Variants in GABRG2 observed in about 807,000 individuals in gnomAD.
GABRG2 encodes gamma-aminobutyric acid receptor subunit gamma-2.
In GABRG2, 16 loss-of-function variants were observed where a neutral mutation model predicts 56.4. That is an observed-to-expected ratio of 0.28 (90% CI 0.19 to 0.43). The LOEUF (loss-of-function observed/expected upper bound fraction) is 0.43. Ranked by LOEUF, GABRG2 falls within the 20% of genes least tolerant of loss-of-function variation. GABRG2 has a pLI of 1.00. For missense variants in GABRG2, 327 were observed against 582.7 expected (o/e 0.56, Z 4.52); for synonymous variants, 208 against 205.5 (o/e 1.01, Z -0.10).
At chr5:162,149,021 T>A (rs893105285) in intron 7 of GABRG2, 87 bp from the exon 8 acceptor site, 3 of 1,203,704 alleles carry the variant, frequency 2.5e-6, no homozygotes, top group African/African-American at 3.0e-5. Flanking sequence ...CCATCAGAAG[T>A]CATGAAACAA....
At chr5:162,083,272 C>G (rs1759804312) in intron 1 of GABRG2, among the ~76,000 whole-genome samples, 1 of 151,644 alleles carries the variant, frequency 6.6e-6, no homozygotes, top group Non-Finnish European at 1.5e-5. Flanking sequence ...AAATATGGAA[C>G]CAGCCTTCAT....
intron 7 of GABRG2, among the ~76,000 whole-genome samples, chr5:162,147,648 G>A (rs1765064808): frequency 6.6e-6 from 1 of 152,154 alleles, no homozygotes; most frequent in Non-Finnish European, 1.5e-5. Flanking sequence ...TCAGGTGTGA[G>A]CCACCATGCC....
chr5:162,101,592 T>G, intron 5 of GABRG2: 1 of 424,520 alleles, frequency 2.4e-6, no homozygotes. Context: ...TTTTTTTTTT[T>G]GTAAGGGATT....
chr5:162,067,665 A>G (rs1003335343), upstream of GABRG2: 1 of 597,086 alleles, frequency 1.7e-6, no homozygotes, highest in East Asian at 2.8e-5. Context: ...GCATGAGTAT[A>G]CACGAGTGTG....
At chr5:162,076,121 A>T (rs1032391042) in intron 1 of GABRG2, among the ~76,000 whole-genome samples, 1 of 152,108 alleles carries the variant, frequency 6.6e-6, no homozygotes, top group Admixed American at 6.6e-5. Context: ...CACTGTACTC[A>T]AGCCTGGGTG....
At chr5:162,097,971 C>A in intron 4 of GABRG2, 113 bp downstream of exon 4, 1 of 917,992 alleles carries the variant, frequency 1.1e-6, no homozygotes, top group Non-Finnish European at 1.7e-6. Flanking sequence ...TTCAAGACTG[C>A]ATCAGGGTTG....
intron 6 of GABRG2, among the ~76,000 whole-genome samples, chr5:162,106,846 A>G (rs1761867688): frequency 6.7e-6 from 1 of 149,376 alleles, no homozygotes; most frequent in African/African-American, 2.5e-5. Flanking sequence ...AATGAATTTT[A>G]TTATTTTGTT....
intron 6 of GABRG2, among the ~76,000 whole-genome samples, chr5:162,128,911 C>A (rs1416291359): frequency 1.3e-5 from 2 of 151,868 alleles, no homozygotes; most frequent in Non-Finnish European, 2.9e-5. Flanking sequence ...AATTATGTGA[C>A]CCTGGGTATA....
chr5:162,125,948 G>T (rs1258108809), intron 6 of GABRG2, among the ~76,000 whole-genome samples: 1 of 151,950 alleles, frequency 6.6e-6, no homozygotes, highest in Non-Finnish European at 1.5e-5. Context: ...AGATATTATG[G>T]AAAGGTTACA....
rs536578848 is a variant in GABRG2, at chr5:162,148,102, T to C, written c.923-1006T>C. On this transcript the variant is annotated intron_variant, in intron 7 of 9. Coordinates refer to ENST00000639213, the MANE Select transcript of GABRG2 (RefSeq NM_198904.4). ...CTCATCCTTCTCTGGTTGATAAATATAGGTTGTCTTGACATTGTTCCCTGT... is the reference window on the plus strand; with the variant it reads ...CTCATCCTTCTCTGGTTGATAAATACAGGTTGTCTTGACATTGTTCCCTGT... Among the ~76,000 whole-genome samples, 28 of 152,370 alleles carry C rather than the reference T, an allele frequency of 1.8e-4. No homozygotes were observed. In the South Asian group the frequency reaches 5.0e-3, roughly 27 times the overall value.
intron 6 of GABRG2, among the ~76,000 whole-genome samples, chr5:162,121,818 GAT>G (rs1196195655): frequency 6.6e-6 from 1 of 152,020 alleles, no homozygotes; most frequent in African/African-American, 2.4e-5. Flanking sequence ...AATTGGGTTT[GAT>G]AGTGTTGTGG....
At chr5:162,099,031 T>C (rs1352852750) in intron 4 of GABRG2, 1 of 152,094 alleles carries the variant, frequency 6.6e-6, no homozygotes, top group Non-Finnish European at 1.5e-5. Context: ...AAATTATTTA[T>C]ACATTTTCAA....
chr5:162,097,480 G>C (rs1761084422), intron 3 of GABRG2, among the ~76,000 whole-genome samples, 158 bp from the exon 4 acceptor site: 1 of 152,154 alleles, frequency 6.6e-6, no homozygotes, highest in African/African-American at 2.4e-5. Flanking sequence ...GGGTGAGACA[G>C]TAACCTCCTC....
At chr5:162,107,101 C>A (rs1171135236) in intron 6 of GABRG2, among the ~76,000 whole-genome samples, 1 of 152,098 alleles carries the variant, frequency 6.6e-6, no homozygotes, top group Non-Finnish European at 1.5e-5. Context: ...TGAGAACATG[C>A]AGTATTTGGT....
rs1369456217 is a variant in GABRG2 at position 162,154,246 on chromosome 5, T to A, written c.*878T>A. 2 of 152,222 alleles carry A rather than the reference T, an allele frequency of 1.3e-5. No homozygotes were observed. The highest frequency in any genetic ancestry group is 2.9e-5 in the Non-Finnish European group (2 of 68,046). 9.4% of individuals were successfully genotyped at this position (152,222 alleles called of 1,614,324 possible). A position where few individuals can be genotyped will look rare whatever the true frequency, so the allele number is the denominator to read the frequency against. On this transcript the variant is annotated 3_prime_UTR_variant, in exon 10 of 10. Transcript: ENST00000639213. ...TAAAGTAATTGTATGTGCTTGCCGC[T>A]ATTTTTTTCTTCCTTTTAGGATGAT...
intron 6 of GABRG2, among the ~76,000 whole-genome samples, chr5:162,124,927 C>T (rs1031654624): frequency 6.7e-6 from 1 of 149,638 alleles, no homozygotes; most frequent in African/African-American, 2.5e-5. Flanking sequence ...AAATAAGATG[C>T]AGTTTTTGCT....
chr5:162,097,370 A>G (rs1307568120), intron 3 of GABRG2, among the ~76,000 whole-genome samples: 2 of 152,180 alleles, frequency 1.3e-5, no homozygotes, highest in African/African-American at 2.4e-5. Context: ...CTCTATAGAC[A>G]TGGAAAGTAA....
At chr5:162,136,796 C>A (rs1764163918) in intron 6 of GABRG2, among the ~76,000 whole-genome samples, 2 of 152,066 alleles carry the variant, frequency 1.3e-5, no homozygotes, top group South Asian at 4.1e-4. Flanking sequence ...TCAGAATTTT[C>A]AAAAATGTGC....
At chr5:162,151,668 A>ATT in intron 8 of GABRG2, 62 bp from the exon 9 acceptor site, 2 of 1,367,800 alleles carry the variant, frequency 1.5e-6, no homozygotes, top group Non-Finnish European at 1.0e-6. Flanking sequence ...TTTTTTTTTC[A>ATT]TTTTTTTTCT....
Sources: allele counts gnomAD v4.1 joint callset (sites outside exome capture counted in the v4.1 genomes callset), GRCh38; gene constraint gnomAD v4.1.1; transcripts MANE v1.5; gene names NCBI Gene and HGNC (gene_info 2026-07-23, HGNC 2026-07-21).